TOPAZ1: variants seen among roughly 807,000 people sequenced by gnomAD.
TOPAZ1 encodes the protein testis and ovary specific TOPAZ 1.
A neutral mutation model predicts 172.2 loss-of-function variants in TOPAZ1; 66 were observed. That is an observed-to-expected ratio of 0.38 (90% CI 0.31 to 0.47). The LOEUF is 0.47. Ranked by LOEUF, TOPAZ1 falls within the 20% of genes least tolerant of loss-of-function variation. TOPAZ1 has a pLI of 0.99. For missense variants in TOPAZ1, 1,822 were observed against 1,972.4 expected (o/e 0.92, Z 1.44); for synonymous variants, 681 against 683.9 (o/e 1.00, Z 0.07).
At chr3:44,311,751 A>G (rs1283689742) in intron 16 of TOPAZ1, among the ~76,000 whole-genome samples, 1 of 152,188 alleles carries the variant, frequency 6.6e-6, no homozygotes. Context: ...GCCATTCCCA[A>G]GAAAGGAAAT....
chr3:44,297,456 AAGTC>A (rs1700212853), intron 12 of TOPAZ1, among the ~76,000 whole-genome samples: 1 of 152,218 alleles, frequency 6.6e-6, no homozygotes, highest in South Asian at 2.1e-4. Flanking sequence ...TTATTTTTAA[AAGTC>A]AGCAAATTAT....
downstream of TOPAZ1, among the ~76,000 whole-genome samples, chr3:44,333,870 G>A (rs747245305): frequency 5.9e-5 from 9 of 152,192 alleles, no homozygotes; most frequent in South Asian, 2.1e-4. Context: ...GCAGCAGGGC[G>A]CTTCAGCAAG....
intron 16 of TOPAZ1, among the ~76,000 whole-genome samples, chr3:44,318,067 C>T (rs1233249031): frequency 6.6e-6 from 1 of 152,042 alleles, no homozygotes; most frequent in Non-Finnish European, 1.5e-5. Flanking sequence ...GGTGGGAATC[C>T]CTGTGCAGTA....
Position 44,243,524 on chromosome 3 carries a change from G to A in TOPAZ1, c.1018G>A (p.Ala340Thr). The change falls in exon 2 of 20, where the codon GCA becomes ACA. Residue 340 changes from alanine to threonine, a missense_variant. This residue lies in a region of TOPAZ1 where 1,489 missense variants were observed against 1,490.8 expected (regional missense o/e 1.00). Transcript: ENST00000309765. ...GAAAAGGATGAAGTTGTCTGAAAAA[G>A]CAGATGAAACAGTTACTGAGATGAA... ...PRKRMKLSEK[A>T]DETVTEMNFS... 9 of 1,551,634 alleles carry A rather than the reference G, an allele frequency of 5.8e-6. No homozygotes were observed. Among genetic ancestry groups the A allele is most frequent in the Non-Finnish European group, 7.8e-6 (9 of 1,146,956 alleles).
At position 44,250,359 on chromosome 3, in the gene TOPAZ1, G is replaced by A. The variant is rs111568677; in HGVS notation, c.2766-4609G>A. 8.9e-3 allele frequency among the ~76,000 whole-genome samples: 1,342 copies of A among 150,374 alleles called. 16 individuals carry two copies. Among genetic ancestry groups the A allele is most frequent in the African/African-American group, 0.027 (1,095 of 40,922 alleles). ...TTACTTTTCTTTATTGTCCCATTCC[G>A]CTGAGAATCTAATGTGCTCTAACTT... On this transcript the variant is annotated intron_variant, in intron 2 of 19. Transcript: ENST00000309765.
chr3:44,299,957 T>TGGGGGGGGG (rs59025711), intron 12 of TOPAZ1, among the ~76,000 whole-genome samples: 29 of 92,858 alleles, frequency 3.1e-4, no homozygotes, highest in Middle Eastern at 5.0e-3. Flanking sequence ...TGTTGTGGGG[T>TGGGGGGGGG]GGGGGGAGGG....
intron 17 of TOPAZ1, among the ~76,000 whole-genome samples, chr3:44,322,847 G>A (rs1700556544): frequency 6.6e-6 from 1 of 152,222 alleles, no homozygotes; most frequent in African/African-American, 2.4e-5. Flanking sequence ...GAGCCCAGGA[G>A]GTGAAGGTTG....
In TOPAZ1 at chr3:44,269,596, A is replaced by G. The variant is rs555446851; in HGVS notation, c.3246+295A>G. 5.4e-4 allele frequency among the ~76,000 whole-genome samples: 78 copies of G among 144,780 alleles called. 5 individuals carry two copies. In the South Asian group the frequency reaches 0.017, roughly 31 times the overall value. 95.0% of individuals were successfully genotyped at this position (144,780 alleles called of 152,430 possible). A position where few individuals can be genotyped will look rare whatever the true frequency, so the allele number is the denominator to read the frequency against. Reference sequence around the variant, plus strand: ...AAAAAAAAAAATTTTCATAAAACCAATACTTTGGACCTTTTGGTTGTATTT... The same window carrying G: ...AAAAAAAAAAATTTTCATAAAACCAGTACTTTGGACCTTTTGGTTGTATTT... On this transcript the variant is annotated intron_variant, in intron 7 of 19. Transcript: ENST00000309765.
At chr3:44,265,868 A>T (rs1015681565) in intron 5 of TOPAZ1, among the ~76,000 whole-genome samples, 5 of 152,212 alleles carry the variant, frequency 3.3e-5, no homozygotes, top group Non-Finnish European at 7.4e-5. Flanking sequence ...GAGCCAGTCT[A>T]TTCGTTGAAT....
At chr3:44,306,160 T>A (rs1032298035) in intron 14 of TOPAZ1, among the ~76,000 whole-genome samples, 166 bp from the exon 15 acceptor site, 1 of 152,232 alleles carries the variant, frequency 6.6e-6, no homozygotes, top group Non-Finnish European at 1.5e-5. Flanking sequence ...TAAACGATGC[T>A]TTGAAAACAG....
At chr3:44,296,202 G>C (rs1700191900) in intron 12 of TOPAZ1, among the ~76,000 whole-genome samples, 1 of 152,112 alleles carries the variant, frequency 6.6e-6, no homozygotes, top group Non-Finnish European at 1.5e-5. Flanking sequence ...TGGGGATGCA[G>C]TTAAAGCAAT....
intron 3 of TOPAZ1, among the ~76,000 whole-genome samples, chr3:44,255,848 TTATTTTATAAGTATATTTAAAAGTA>T (rs1699696682): frequency 6.6e-6 from 1 of 150,794 alleles, no homozygotes; most frequent in Non-Finnish European, 1.5e-5. Flanking sequence ...AAAATACATT[TTATTTTATAAGTATATTTAAAAGTA>T]TATTTTATAA....
intron 4 of TOPAZ1, among the ~76,000 whole-genome samples, chr3:44,261,531 A>C (rs1296169888): frequency 6.6e-6 from 1 of 152,056 alleles, no homozygotes; most frequent in Admixed American, 6.6e-5. Flanking sequence ...GTTTTTGTAC[A>C]AGTACCATGC....
chr3:44,287,855 C>T lies in TOPAZ1; in HGVS notation c.3681+16C>T. 8.3e-7 allele frequency: 1 copy of T among 1,206,176 alleles called. No individual in the cohort carries two copies. The highest frequency in any genetic ancestry group is 1.2e-6 in the Non-Finnish European group (1 of 857,474). The allele number at this position is 1,206,176 out of a possible 1,614,324, so 74.7% of individuals were successfully genotyped here. On this transcript the variant is annotated intron_variant, in intron 11 of 19. Transcript: ENST00000309765. ...CTTTTGCAAGGTATGGTTTTATTTT[C>T]TCTTTTATTCTCTGATGGCGAGTAA... is the stretch of plus-strand genomic sequence containing the variant.
At chr3:44,323,413 A>G in intron 18 of TOPAZ1, 118 bp downstream of exon 18, 1 of 586,644 alleles carries the variant, frequency 1.7e-6, no homozygotes, top group Non-Finnish European at 2.8e-6. Context: ...ATACATATTC[A>G]AATGTAGTGG....
At chr3:44,327,930 G>A (rs1283181768) in intron 18 of TOPAZ1, among the ~76,000 whole-genome samples, 1 of 152,026 alleles carries the variant, frequency 6.6e-6, no homozygotes, top group Non-Finnish European at 1.5e-5. Flanking sequence ...TTTTAGTAGG[G>A]ATGGGGTTTC....
chr3:44,272,729 T>G (rs1206129075), intron 8 of TOPAZ1, among the ~76,000 whole-genome samples: 1 of 152,044 alleles, frequency 6.6e-6, no homozygotes, highest in Non-Finnish European at 1.5e-5. Flanking sequence ...CCCGGCTAAT[T>G]TTTGTATTTT....
chr3:44,319,337 A>T (rs1482315654), intron 16 of TOPAZ1, among the ~76,000 whole-genome samples: 1 of 152,182 alleles, frequency 6.6e-6, no homozygotes, highest in Non-Finnish European at 1.5e-5. Context: ...ATTTTAAATG[A>T]ATCTCCTAAA....
At chr3:44,279,341 A>C (rs1197028210) in intron 8 of TOPAZ1, among the ~76,000 whole-genome samples, 2 of 152,140 alleles carry the variant, frequency 1.3e-5, no homozygotes, top group Non-Finnish European at 2.9e-5. Context: ...CCTTTGATTT[A>C]ATGTGCAGTT....
Sources: gnomAD v4.1 joint callset for allele counts (sites outside exome capture counted in the v4.1 genomes callset) on GRCh38, gnomAD v4.1.1 for gene constraint, gnomAD v4.1.1 regional missense constraint, MANE v1.5 for transcripts, NCBI Gene and HGNC (gene_info 2026-07-23, HGNC 2026-07-21) for gene names.